Variants in IMPA2 observed in about 807,000 individuals in gnomAD.
IMPA2 encodes the protein IMP 2.
IMPA2 carries 32 observed loss-of-function variants against 35.1 expected under a neutral mutation model. The ratio of observed to expected loss-of-function variants is 0.91; its 90% CI spans 0.69 to 1.23. IMPA2 has a LOEUF of 1.23. Ranked by LOEUF, IMPA2 falls within the 50% of genes most tolerant of loss-of-function variation. The probability of loss-of-function intolerance (pLI) is 0.00; values close to 1 mark genes in which losing one functional copy is unlikely to be tolerated. For missense variants in IMPA2, 334 were observed against 387.6 expected (o/e 0.86, Z 1.16); for synonymous variants, 135 against 160.6 (o/e 0.84, Z 1.20).
chr18:11,983,725 T>C (rs1906573223), intron 1 of IMPA2, among the ~76,000 whole-genome samples: 1 of 152,050 alleles, frequency 6.6e-6, no homozygotes, highest in Non-Finnish European at 1.5e-5. Context: ...TCAGGCATTA[T>C]GCTGATGCTT....
chr18:12,015,345 A>G (rs1489413153), intron 5 of IMPA2, among the ~76,000 whole-genome samples: 4 of 152,046 alleles, frequency 2.6e-5, no homozygotes, highest in South Asian at 2.1e-4. Flanking sequence ...TTTCCTGGCA[A>G]CCTTTCTTCA....
chr18:12,001,918 C>G (rs1004108846), intron 2 of IMPA2, among the ~76,000 whole-genome samples: 1 of 152,160 alleles, frequency 6.6e-6, no homozygotes, highest in Non-Finnish European at 1.5e-5. Context: ...ACGGACAGCC[C>G]CAGTCTGTGT....
chr18:12,023,683 T>A (rs1254522324), intron 5 of IMPA2, among the ~76,000 whole-genome samples: 2 of 152,206 alleles, frequency 1.3e-5, no homozygotes, highest in African/African-American at 2.4e-5. Context: ...GCTTCCTAGT[T>A]CCTGGGGAGA....
intron 5 of IMPA2, chr18:12,017,945 G>T (rs1359931987): frequency 6.5e-5 from 10 of 153,048 alleles, no homozygotes; most frequent in South Asian, 2.5e-4. Context: ...TTTTTTTTCT[G>T]TTTTTTTTTT....
chr18:12,001,528 T>A (rs1254149514), intron 2 of IMPA2, among the ~76,000 whole-genome samples: 5 of 152,200 alleles, frequency 3.3e-5, no homozygotes, highest in Non-Finnish European at 5.9e-5. Context: ...ACTCTGAGAT[T>A]GCACGCAACC....
At chr18:12,000,397 C>T (rs1300022269) in intron 2 of IMPA2, among the ~76,000 whole-genome samples, 1 of 134,740 alleles carries the variant, frequency 7.4e-6, no homozygotes, top group Non-Finnish European at 1.5e-5. Flanking sequence ...GAGTGTTAAA[C>T]ACTTACCTTC....
At chr18:12,025,190 G>C (rs370523025) in intron 5 of IMPA2, among the ~76,000 whole-genome samples, 1 of 152,176 alleles carries the variant, frequency 6.6e-6, no homozygotes, top group African/African-American at 2.4e-5. Context: ...AGGTTCATCC[G>C]TATCTTGTCA....
At position 12,030,312 on chromosome 18, in the gene IMPA2, C is replaced by T. The variant is rs765338059; in HGVS notation, c.752-31C>T. The T allele has an allele frequency of 4.0e-5, 62 of 1,551,002 alleles. No homozygotes were observed. In the East Asian group the frequency reaches 1.1e-3, roughly 29 times the overall value. ...CATTGTTCAGCCCTCTCTGGTAACC[C>T]GGATGCCTGGCTCTCTCTGTCTGTC... is the stretch of plus-strand genomic sequence containing the variant. On this transcript the variant is annotated intron_variant, in intron 7 of 7. Coordinates refer to ENST00000269159, the MANE Select transcript of IMPA2 (RefSeq NM_014214.3).
chr18:12,015,766 G>T (rs772918601), intron 5 of IMPA2, among the ~76,000 whole-genome samples: 19 of 152,204 alleles, frequency 1.2e-4, no homozygotes, highest in Non-Finnish European at 1.8e-4. Flanking sequence ...ACAGCTGTGC[G>T]TGCCAGGAGG....
chr18:12,024,865 C>CCCAT (rs1435187533), intron 5 of IMPA2, among the ~76,000 whole-genome samples: 2 of 152,030 alleles, frequency 1.3e-5, no homozygotes, highest in African/African-American at 4.8e-5. Flanking sequence ...GTACAGCCTC[C>CCCAT]CCATCCATCA....
At chr18:11,998,975 A>ACTC in intron 1 of IMPA2, 79 bp from the exon 2 acceptor site, 2 of 574,266 alleles carry the variant, frequency 3.5e-6, no homozygotes, top group Non-Finnish European at 5.2e-6. Flanking sequence ...TACAGAGGGG[A>ACTC]CTCGAAGGAG....
chr18:12,008,393 G>A (rs781767673), intron 2 of IMPA2: 2 of 518,582 alleles, frequency 3.9e-6, no homozygotes, highest in East Asian at 5.5e-5. Flanking sequence ...AAAACCTCTC[G>A]GCAAGGCCAC....
intron 1 of IMPA2, among the ~76,000 whole-genome samples, chr18:11,996,564 G>A (rs148594550): frequency 7.9e-5 from 12 of 152,050 alleles, no homozygotes; most frequent in South Asian, 4.2e-4. Flanking sequence ...TGCCCACCCC[G>A]CCCGCTGAGG....
At chr18:11,987,354 G>A (rs991123574) in intron 1 of IMPA2, among the ~76,000 whole-genome samples, 1 of 152,016 alleles carries the variant, frequency 6.6e-6, no homozygotes, top group African/African-American at 2.4e-5. Flanking sequence ...TTTTTGAGAC[G>A]ACGTCTAGCT....
chr18:12,024,311 C>CT (rs1907816396), intron 5 of IMPA2, among the ~76,000 whole-genome samples: 3 of 152,164 alleles, frequency 2.0e-5, no homozygotes, highest in Admixed American at 1.3e-4. Context: ...TGGTGAAACT[C>CT]TGTCTCTACT....
intron 2 of IMPA2, among the ~76,000 whole-genome samples, chr18:12,008,062 T>A (rs1307540867): frequency 6.6e-6 from 1 of 151,954 alleles, no homozygotes; most frequent in Non-Finnish European, 1.5e-5. Flanking sequence ...CACTGCAACC[T>A]CCGGCTCACT....
chr18:12,028,398 G>A (rs538542003), intron 6 of IMPA2: 102 of 518,100 alleles, frequency 2.0e-4, no homozygotes, highest in African/African-American at 1.7e-3. Context: ...CTGACCTCAT[G>A]CTGCTCAACC....
At position 11,989,529 on chromosome 18, in the gene IMPA2, C is replaced by T. The variant is rs1217015642; in HGVS notation, c.96+7764C>T. On this transcript the variant is annotated intron_variant, in intron 1 of 7. Coordinates refer to ENST00000269159, the MANE Select transcript of IMPA2 (RefSeq NM_014214.3). ...GCTGTCCCTTTGGTGGGGTGGGGGT[C>T]GGTACATGGTCTCCAAGGGTCCGAG... Among the ~76,000 whole-genome samples, 8 of 152,276 alleles carry T rather than the reference C, an allele frequency of 5.3e-5. No homozygotes were observed. In the East Asian group the frequency reaches 5.8e-4, roughly 11 times the overall value.
chr18:12,013,402 T>C (rs1024007227), intron 4 of IMPA2, among the ~76,000 whole-genome samples: 1 of 152,206 alleles, frequency 6.6e-6, no homozygotes, highest in Non-Finnish European at 1.5e-5. Context: ...AAGCGTTGAC[T>C]GAATGACGCC....
Sources: allele counts gnomAD v4.1 joint callset (sites outside exome capture counted in the v4.1 genomes callset), GRCh38; gene constraint gnomAD v4.1.1; transcripts MANE v1.5; gene names NCBI Gene and HGNC (gene_info 2026-07-23, HGNC 2026-07-21).